PRKN: variants seen among roughly 807,000 people sequenced by gnomAD.
PRKN encodes the protein E3 ubiquitin-protein ligase parkin.
A neutral mutation model predicts 59.5 loss-of-function variants in PRKN; 56 were observed. The ratio of observed to expected loss-of-function variants is 0.94; its 90% confidence interval spans 0.76 to 1.18. PRKN has a LOEUF of 1.18. PRKN is among the 50% of genes most tolerant of loss of function. PRKN has a pLI of 0.00. For missense variants in PRKN, 657 were observed against 596.4 expected (o/e 1.10, Z -1.06); for synonymous variants, 250 against 222.1 (o/e 1.13, Z -1.12).
rs149513738 is a variant in PRKN, at chr6:161,411,049, C to T, written c.1084-24172G>A. Among the ~76,000 whole-genome samples the T allele has an allele frequency of 1.0e-3, 154 of 152,212 alleles. 1 individual carries two copies. Among genetic ancestry groups the T allele is most frequent in the African/African-American group, 3.5e-3 (146 of 41,516 alleles). ...CAGATAAAAAACCTAATATTATCAG[C>T]GGTGATATAAACCAGTGCAGGGCCT... On this transcript the variant is annotated intron_variant, in intron 9 of 11. Transcript: ENST00000366898.
chr6:162,108,914 G>C (rs1056052673), intron 4 of PRKN, among the ~76,000 whole-genome samples: 1 of 152,208 alleles, frequency 6.6e-6, no homozygotes, highest in Non-Finnish European at 1.5e-5. Context: ...AGGAACTGAG[G>C]GGTAAGTCAG....
chr6:162,523,748 G>A (rs1204057447), intron 1 of PRKN, among the ~76,000 whole-genome samples: 1 of 152,058 alleles, frequency 6.6e-6, no homozygotes, highest in Non-Finnish European at 1.5e-5. Context: ...TGGGCATAGT[G>A]GCTCATGCGT....
At chr6:161,493,456 C>A (rs947916020) in intron 9 of PRKN, among the ~76,000 whole-genome samples, 11 of 152,182 alleles carry the variant, frequency 7.2e-5, no homozygotes, top group African/African-American at 2.7e-4. Context: ...GGTTCCAGAG[C>A]TTGTGTTCTT....
intron 9 of PRKN, among the ~76,000 whole-genome samples, chr6:161,443,033 C>T (rs1004767096): frequency 1.4e-4 from 22 of 152,096 alleles, no homozygotes; most frequent in African/African-American, 4.6e-4. Flanking sequence ...CGAGGCCGGG[C>T]GCGGTGGCTC....
At chr6:162,475,126 T>C (rs1189211998) in intron 1 of PRKN, among the ~76,000 whole-genome samples, 1 of 152,196 alleles carries the variant, frequency 6.6e-6, no homozygotes, top group East Asian at 1.9e-4. Context: ...ATGTGATGAA[T>C]AGCTTTCAGT....
intron 2 of PRKN, among the ~76,000 whole-genome samples, chr6:162,370,329 T>C (rs577433064): frequency 3.9e-5 from 6 of 152,072 alleles, no homozygotes; most frequent in South Asian, 2.1e-4. Context: ...TTTTTTAATA[T>C]AGAAAAAAAG....
In PRKN at chr6:161,446,801, ACAG is replaced by A; in HGVS notation, c.1084-59927_1084-59925del. On this transcript the variant is annotated intron_variant, in intron 9 of 11. Coordinates refer to ENST00000366898, the MANE Select transcript of PRKN (RefSeq NM_004562.3). The surrounding 1 kb of genome is among the most constrained non-coding windows in gnomAD (Gnocchi z 6.2). ...GTGGGAGGTGGCAACTGCAGAACAG[ACAG>A]CTCTTTGGATTTCTTTAAATTGCCA... is the stretch of plus-strand genomic sequence containing the variant. Among the ~76,000 whole-genome samples, 1 of 152,304 alleles carries A rather than the reference ACAG, an allele frequency of 6.6e-6. No homozygotes were observed. Among genetic ancestry groups the A allele is most frequent in the Non-Finnish European group, 1.5e-5 (1 of 68,014 alleles).
chr6:162,416,880 TAAAG>T, intron 2 of PRKN, among the ~76,000 whole-genome samples: 1 of 152,262 alleles, frequency 6.6e-6, no homozygotes, highest in East Asian at 1.9e-4. Context: ...AATAATCAAT[TAAAG>T]AAATTTTTTA....
chr6:161,770,464 ATTTATTT>A (rs1789618170), intron 7 of PRKN, among the ~76,000 whole-genome samples: 1 of 151,638 alleles, frequency 6.6e-6, no homozygotes, highest in Non-Finnish European at 1.5e-5. Flanking sequence ...TTATTTATTT[ATTTATTT>A]ATTTATTCAT....
chr6:161,459,553 G>A lies in PRKN; in HGVS notation c.1084-72676C>T, dbSNP rs1482085041. 2.0e-5 allele frequency among the ~76,000 whole-genome samples: 3 copies of A among 152,140 alleles called. No individual in the cohort carries two copies. The highest frequency in any genetic ancestry group is 7.2e-5 in the African/African-American group (3 of 41,428). On this transcript the variant is annotated intron_variant, in intron 9 of 11. Coordinates refer to ENST00000366898, the MANE Select transcript of PRKN (RefSeq NM_004562.3). The surrounding 1 kb of genome is among the most constrained non-coding windows in gnomAD (Gnocchi z 4.8). ...CTGGATCTGTTCACAGGAATGCCTA[G>A]AGCTTCTGGCACACAGGGTAGCAGG... is the stretch of plus-strand genomic sequence containing the variant.
chr6:161,755,684 C>T (rs967303420), intron 7 of PRKN, among the ~76,000 whole-genome samples: 8 of 151,962 alleles, frequency 5.3e-5, no homozygotes, highest in Non-Finnish European at 1.0e-4. Context: ...AAACACTATC[C>T]GTAATTCAAT....
chr6:161,576,424 A>G lies in PRKN; in HGVS notation c.872-7008T>C, dbSNP rs1781131590. 6.6e-6 allele frequency among the ~76,000 whole-genome samples: 1 copy of G among 152,226 alleles called. No individual in the cohort carries two copies. Among genetic ancestry groups the G allele is most frequent in the Non-Finnish European group, 1.5e-5 (1 of 68,038 alleles). On this transcript the variant is annotated intron_variant, in intron 7 of 11. Coordinates refer to ENST00000366898, the MANE Select transcript of PRKN (RefSeq NM_004562.3). The surrounding 1 kb of genome is among the most constrained non-coding windows in gnomAD (Gnocchi z 4.6). Reference sequence around the variant, plus strand: ...GGAGAGTAACTTACATGGTTACACAAGGAGATATGGAATAGAATATTTACT... The same window carrying G: ...GGAGAGTAACTTACATGGTTACACAGGGAGATATGGAATAGAATATTTACT...
At chr6:161,802,521 G>C (rs187264722) in intron 6 of PRKN, among the ~76,000 whole-genome samples, 5 of 150,568 alleles carry the variant, frequency 3.3e-5, no homozygotes, top group Non-Finnish European at 7.4e-5. Context: ...ACACACACCT[G>C]GCTCCCAGCC....
chr6:161,996,831 G>A (rs1236716095), intron 5 of PRKN, among the ~76,000 whole-genome samples: 1 of 151,748 alleles, frequency 6.6e-6, no homozygotes, highest in Non-Finnish European at 1.5e-5. Flanking sequence ...TTTTCTAGGG[G>A]AAAAACGTTT....
chr6:162,234,801 C>T (rs2023070), intron 3 of PRKN, among the ~76,000 whole-genome samples: 63,640 of 152,086 alleles, frequency 0.42, 15,218 homozygotes, highest in East Asian at 0.78. Context: ...TGTGTTATCA[C>T]TTGAAGAGCT....
At chr6:162,544,016 C>A (rs1161825520) in intron 1 of PRKN, among the ~76,000 whole-genome samples, 1 of 152,142 alleles carries the variant, frequency 6.6e-6, no homozygotes, top group East Asian at 1.9e-4. Flanking sequence ...GCAATCATTT[C>A]ATTTTTGCTT....
chr6:162,224,411 G>A (rs997468372), intron 3 of PRKN, among the ~76,000 whole-genome samples: 11 of 152,092 alleles, frequency 7.2e-5, no homozygotes, highest in Non-Finnish European at 1.6e-4. Context: ...AGGTGTGTGC[G>A]AGGCTATACC....
At chr6:162,315,933 A>G (rs150165861) in intron 2 of PRKN, among the ~76,000 whole-genome samples, 1 of 152,240 alleles carries the variant, frequency 6.6e-6, no homozygotes, top group African/African-American at 2.4e-5. Context: ...TTCATTTTGG[A>G]TGCTGTAAGG....
chr6:162,644,466 C>A (rs1335484735), intron 1 of PRKN, among the ~76,000 whole-genome samples: 1 of 152,216 alleles, frequency 6.6e-6, no homozygotes, highest in African/African-American at 2.4e-5. Context: ...CCAGCCCGCA[C>A]AGACCTAATC....
Sources: allele counts gnomAD v4.1 joint callset (sites outside exome capture counted in the v4.1 genomes callset), GRCh38; gene constraint gnomAD v4.1.1; non-coding constraint Gnocchi (gnomAD v3.1); transcripts MANE v1.5; gene names NCBI Gene and HGNC (gene_info 2026-07-23, HGNC 2026-07-21).